DNAJC3: variants seen among roughly 807,000 people sequenced by gnomAD.
The protein encoded by DNAJC3 is dnaJ homolog subfamily C member 3.
In DNAJC3, 38 loss-of-function variants were observed where a neutral mutation model predicts 68.6. The observed-to-expected ratio is 0.55, with a 90% confidence interval of 0.43 to 0.73. The LOEUF (loss-of-function observed/expected upper bound fraction) is 0.73, where lower values mean the gene tolerates loss of function less well. Among genes scored for constraint, DNAJC3 ranks in the 30% least tolerant of loss-of-function variants. The pLI, the probability that DNAJC3 is intolerant of heterozygous loss-of-function variation, is 0.00. For missense variants in DNAJC3, 526 were observed against 591.9 expected (o/e 0.89, Z 1.16); for synonymous variants, 203 against 204.0 (o/e 1.00, Z 0.04).
At chr13:95,776,417 G>C (rs1414247467) in intron 9 of DNAJC3, among the ~76,000 whole-genome samples, 1 of 152,158 alleles carries the variant, frequency 6.6e-6, no homozygotes, top group Non-Finnish European at 1.5e-5. Flanking sequence ...AAAGACTGCT[G>C]CTTTACTGGG....
intron 1 of DNAJC3, among the ~76,000 whole-genome samples, chr13:95,703,120 G>A (rs1359488892): frequency 1.3e-5 from 2 of 152,164 alleles, no homozygotes; most frequent in African/African-American, 2.4e-5. Flanking sequence ...GAAATACAGG[G>A]TTAAGTTTCT....
At chr13:95,759,913 A>G in intron 5 of DNAJC3, 127 bp from the exon 6 acceptor site, 2 of 932,406 alleles carry the variant, frequency 2.1e-6, no homozygotes, top group Non-Finnish European at 3.1e-6. Flanking sequence ...TATTTGCACT[A>G]TATAAGTCAT....
rs994839879 is a variant in DNAJC3 at position 95,725,642 on chromosome 13, G to T, written c.393+390G>T. ...AGATCCTTCATTTGATTTGAGAGGA[G>T]TAATGAAACAGATTCTTTTTTTTTT... On this transcript the variant is annotated intron_variant, in intron 4 of 11. Transcript: ENST00000602402. 5.3e-5 allele frequency among the ~76,000 whole-genome samples: 8 copies of T among 151,382 alleles called. No homozygotes were observed. The South Asian group carries it at 8.4e-4, about 16-fold the overall frequency.
intron 9 of DNAJC3, among the ~76,000 whole-genome samples, chr13:95,780,838 T>G (rs115680097): frequency 0.013 from 1,950 of 152,260 alleles, 48 homozygotes; most frequent in African/African-American, 0.045. Flanking sequence ...AGGTGAATGG[T>G]GGCCCGCGTC....
chr13:95,793,434 A>T lies in DNAJC3; in HGVS notation c.*2404A>T, dbSNP rs891569552. 1 of 151,524 alleles carries T rather than the reference A, an allele frequency of 6.6e-6. No homozygotes were observed. The highest frequency in any genetic ancestry group is 2.4e-5 in the African/African-American group (1 of 41,084). The allele number at this position is 151,524 out of a possible 1,614,324, so 9.4% of individuals were successfully genotyped here. ...TGTAGGGTAGCATTATCCACTGTAA[A>T]ACCATACTACTTTCATTTTCCCTTG... On this transcript the variant is annotated 3_prime_UTR_variant, in exon 12 of 12. Coordinates refer to ENST00000602402, the MANE Select transcript of DNAJC3 (RefSeq NM_006260.5).
intron 4 of DNAJC3, among the ~76,000 whole-genome samples, chr13:95,743,350 G>A (rs771595887): frequency 2.6e-5 from 4 of 152,192 alleles, no homozygotes; most frequent in Non-Finnish European, 5.9e-5. Context: ...TACAGAAATC[G>A]TTTGACTGGT....
chr13:95,683,525 T>C (rs1268983622), intron 1 of DNAJC3, among the ~76,000 whole-genome samples: 3 of 152,236 alleles, frequency 2.0e-5, no homozygotes, highest in Non-Finnish European at 2.9e-5. Flanking sequence ...ATGTGCCTAC[T>C]TCTCCTTTAC....
intron 1 of DNAJC3, among the ~76,000 whole-genome samples, chr13:95,685,110 C>T (rs1384923924): frequency 2.0e-5 from 3 of 152,246 alleles, no homozygotes; most frequent in African/African-American, 7.2e-5. Context: ...GATCCGCTGA[C>T]AGCTTGCACC....
chr13:95,757,964 G>A (rs1882714505), intron 5 of DNAJC3, among the ~76,000 whole-genome samples, 168 bp downstream of exon 5: 1 of 152,156 alleles, frequency 6.6e-6, no homozygotes, highest in African/African-American at 2.4e-5. Flanking sequence ...ACAAAATTTG[G>A]ACTGAAGTTT....
intron 2 of DNAJC3, among the ~76,000 whole-genome samples, chr13:95,715,733 C>CA (rs1881120008): frequency 6.6e-6 from 1 of 151,860 alleles, no homozygotes; most frequent in African/African-American, 2.4e-5. Context: ...TGATCCACCC[C>CA]CCCTTGGCCT....
At chr13:95,711,232 C>T (rs924565886) in intron 2 of DNAJC3, among the ~76,000 whole-genome samples, 3 of 152,132 alleles carry the variant, frequency 2.0e-5, no homozygotes, top group Non-Finnish European at 4.4e-5. Context: ...GGCATGGTGG[C>T]CCACGCCTGT....
intron 4 of DNAJC3, among the ~76,000 whole-genome samples, chr13:95,747,440 G>A (rs979962941): frequency 5.9e-5 from 9 of 152,128 alleles, no homozygotes. Context: ...GACCATCCAG[G>A]GCAAAGGTGA....
rs779613742 is a variant in DNAJC3, at chr13:95,695,730, T to C, written c.83-13497T>C. ...AAACTGCCCTTGTAGTACAACTCAA[T>C]ACTCTGGTCTTCTAAACCAGAAATG... is the stretch of plus-strand genomic sequence containing the variant. On this transcript the variant is annotated intron_variant, in intron 1 of 11. Transcript: ENST00000602402. 4 of 152,168 alleles carry C rather than the reference T, an allele frequency of 2.6e-5. No individual in the cohort carries two copies. In the East Asian group the frequency reaches 7.7e-4, roughly 29 times the overall value. The allele number at this position is 152,168 out of a possible 1,614,324, so 9.4% of individuals were successfully genotyped here.
intron 1 of DNAJC3, among the ~76,000 whole-genome samples, chr13:95,706,486 G>C (rs973517372): frequency 6.6e-6 from 1 of 152,208 alleles, no homozygotes; most frequent in Admixed American, 6.5e-5. Context: ...AGTGTGTTCA[G>C]CTACTTCCTT....
chr13:95,732,028 C>T (rs1170297523), intron 4 of DNAJC3, among the ~76,000 whole-genome samples: 1 of 151,772 alleles, frequency 6.6e-6, no homozygotes, highest in East Asian at 1.9e-4. Flanking sequence ...GCATCAGCCA[C>T]TGCACCCAGC....
At chr13:95,776,905 T>G (rs903306435) in intron 9 of DNAJC3, among the ~76,000 whole-genome samples, 2 of 152,174 alleles carry the variant, frequency 1.3e-5, no homozygotes, top group African/African-American at 4.8e-5. Flanking sequence ...TTTTCCCATG[T>G]TTCGTCAGCT....
chr13:95,720,845 C>G (rs1343437725), intron 2 of DNAJC3, among the ~76,000 whole-genome samples: 1 of 151,492 alleles, frequency 6.6e-6, no homozygotes, highest in East Asian at 1.9e-4. Context: ...TACCTAATTC[C>G]TTTTTTAAAA....
At chr13:95,709,125 G>C in intron 1 of DNAJC3, 102 bp from the exon 2 acceptor site, 1 of 769,914 alleles carries the variant, frequency 1.3e-6, no homozygotes, top group South Asian at 3.0e-5. Context: ...TTTCTCATCT[G>C]AGTAGATGAC....
Position 95,793,482 on chromosome 13 carries a change from CT to C in DNAJC3, c.*2477del, listed in dbSNP as rs1002199198. 779 of 96,208 alleles carry C rather than the reference CT, an allele frequency of 8.1e-3. 1 individual carries two copies. Among genetic ancestry groups the C allele is most frequent in the African/African-American group, 0.018 (413 of 23,556 alleles). The allele number at this position is 96,208 out of a possible 1,614,324, so 6.0% of individuals were successfully genotyped here. On this transcript the variant is annotated 3_prime_UTR_variant, in exon 12 of 12. Transcript: ENST00000602402. ...TTGGGGACTACAGGTGCCAGGTAAC[CT>C]TTTTTTTTTTTTTTTTTTTTTTTTG... is the stretch of plus-strand genomic sequence containing the variant.
Sources: allele counts gnomAD v4.1 joint callset (sites outside exome capture counted in the v4.1 genomes callset), GRCh38; gene constraint gnomAD v4.1.1; transcripts MANE v1.5; gene names NCBI Gene and HGNC (gene_info 2026-07-23, HGNC 2026-07-21).